The following EIF2B4 variants were observed in gnomAD, a reference collection of about 807,000 sequenced individuals.
EIF2B4 encodes the protein translation initiation factor eIF2B subunit delta.
EIF2B4 carries 34 observed loss-of-function variants against 66.7 expected under a neutral mutation model. The ratio of observed to expected loss-of-function variants is 0.51; its 90% CI spans 0.39 to 0.68. The LOEUF (loss-of-function observed/expected upper bound fraction) is 0.68, where lower values mean the gene tolerates loss of function less well. EIF2B4 is among the 30% of genes least tolerant of loss of function. The pLI, the probability that EIF2B4 is intolerant of heterozygous loss-of-function variation, is 0.00. For synonymous variants in EIF2B4, 278 were observed against 253.6 expected, an observed-to-expected ratio of 1.10 and a Z score of -0.92; for missense variants, 618 against 657.9, an observed-to-expected ratio of 0.94 and a Z score of 0.66.
At position 27,366,908 on chromosome 2, in the gene EIF2B4, C is replaced by T; in HGVS notation, c.1042G>A (p.Glu348Lys). The change falls in exon 11 of 13, where the codon GAG (glutamate) becomes AAG (lysine). Residue 348 changes from glutamate to lysine, a missense_variant. This residue lies in a region of EIF2B4 where 506 missense variants were observed against 511.9 expected (regional missense o/e 0.99). Transcript: ENST00000347454. ...AACCGCCGGCCCTCTGTCCAAGCCT[C>T]CTGAAGAATTCGTGATACCAGAGAT... ...CSSLVSRILQEAWTEGRRFRV... is the reference protein window; with the variant it reads ...CSSLVSRILQKAWTEGRRFRV... 6.2e-7 allele frequency: 1 copy of T among 1,614,156 alleles called. No homozygotes were observed.
intron 2 of EIF2B4, 47 bp from the exon 3 acceptor site, chr2:27,369,596 G>A (rs1558295416): frequency 6.2e-7 from 1 of 1,613,440 alleles, no homozygotes; most frequent in East Asian, 2.2e-5. Flanking sequence ...AATTCCAAAG[G>A]GGAACAAATA....
chr2:27,364,398 C>G lies in EIF2B4; in HGVS notation c.*2G>C. ...GCATTTATTAACCCTGTGTTTCCCC[C>G]GTCACTGGTCACTGCTCTTGACTCG... On this transcript the variant is annotated 3_prime_UTR_variant, in exon 13 of 13. Coordinates refer to ENST00000347454, the MANE Select transcript of EIF2B4 (RefSeq NM_001034116.2). 1 of 1,613,854 alleles carries G rather than the reference C, an allele frequency of 6.2e-7. No individual in the cohort carries two copies. Among genetic ancestry groups the G allele is most frequent in the Non-Finnish European group, 8.5e-7 (1 of 1,179,956 alleles).
At chr2:27,367,418 C>G (rs1234647214) in intron 9 of EIF2B4, 39 bp downstream of exon 9, 1 of 1,611,648 alleles carries the variant, frequency 6.2e-7, no homozygotes, top group South Asian at 1.1e-5. Flanking sequence ...TTAATTTTAC[C>G]CACAGGTGCA....
rs1201479082 is a variant in EIF2B4, at chr2:27,369,022, A to G, written c.402T>C (p.Ala134=). 6.2e-7 allele frequency: 1 copy of G among 1,613,500 alleles called. No individual in the cohort carries two copies. Among genetic ancestry groups the G allele is most frequent in the Non-Finnish European group, 8.5e-7 (1 of 1,179,442 alleles). ...GPPPKASPST[A]GETPSGVKRL... is the part of the protein sequence containing the mutation. ...GGAAGATACCTGAGGGGGTTTCTCCAGCTGTGCTGGGGCTGGCCTTAGGAG... is the reference window on the plus strand; with the variant it reads ...GGAAGATACCTGAGGGGGTTTCTCCGGCTGTGCTGGGGCTGGCCTTAGGAG... Residue 134 remains alanine, a synonymous_variant, in exon 4 of 13, where the codon GCT becomes GCC. Coordinates refer to ENST00000347454, the MANE Select transcript of EIF2B4 (RefSeq NM_001034116.2).
At chr2:27,369,713 C>A in intron 2 of EIF2B4, 163 bp downstream of exon 2, 1 of 1,472,494 alleles carries the variant, frequency 6.8e-7, no homozygotes. Flanking sequence ...CGTTTCTCCT[C>A]CAGGGACAGA....
In EIF2B4 at chr2:27,364,466, C is replaced by T. The variant is rs146687759; in HGVS notation, c.1506G>A (p.Thr502=). ...AACTGCAAGGGATCATCCCCAGCTC[C>T]GTGATCACCAGATCCACAAGCTCTG... ...TPPELVDLVI[T]ELGMIPCSSV... is the part of the protein sequence containing the mutation. Residue 502 remains threonine, a synonymous_variant, in exon 13 of 13, where the codon ACG becomes ACA. Coordinates refer to ENST00000347454, the MANE Select transcript of EIF2B4 (RefSeq NM_001034116.2). The T allele has an allele frequency of 3.3e-5, 54 of 1,614,124 alleles. No individual in the cohort carries two copies. The East Asian group carries it at 4.5e-4, about 13-fold the overall frequency.
chr2:27,368,902 C>T, intron 4 of EIF2B4, 104 bp downstream of exon 4: 3 of 1,507,890 alleles, frequency 2.0e-6, no homozygotes, highest in South Asian at 1.1e-5. Context: ...CAATTCAGAA[C>T]TCTGGGTCCC....
At chr2:27,366,338 T>A (rs1032797759) in intron 11 of EIF2B4, 3 of 277,310 alleles carry the variant, frequency 1.1e-5, no homozygotes, top group African/African-American at 6.6e-5. Context: ...GTGCTGAGAT[T>A]GCAGGCATTG....
At chr2:27,367,237 G>T in intron 9 of EIF2B4, 36 bp from the exon 10 acceptor site, 2 of 1,613,808 alleles carry the variant, frequency 1.2e-6, no homozygotes, top group South Asian at 1.1e-5. Context: ...ACAAGAAATG[G>T]ACACTTTTAT....
At chr2:27,366,557 G>C (rs1246989509) in intron 11 of EIF2B4, 1 of 653,896 alleles carries the variant, frequency 1.5e-6, no homozygotes, top group African/African-American at 1.8e-5. Context: ...GCACACACCA[G>C]TAGTCCCAGC....
chr2:27,368,224 C>T (rs1682009755), intron 6 of EIF2B4, 85 bp from the exon 7 acceptor site: 1 of 1,329,962 alleles, frequency 7.5e-7, no homozygotes, highest in Non-Finnish European at 1.1e-6. Context: ...GAACTCCCTT[C>T]ACTAGCAGAT....
Position 27,368,024 on chromosome 2 carries a change from C to A in EIF2B4, c.705+1G>T. ...ATAAGAGAGAACAGGATGGGACATA[C>A]CTGCTGCAAGGCACGAAGCAGGGCA... On this transcript the variant is annotated splice_donor_variant, in intron 7 of 12. Coordinates refer to ENST00000347454, the MANE Select transcript of EIF2B4 (RefSeq NM_001034116.2). LOFTEE classifies it high-confidence loss of function. 1 of 1,577,066 alleles carries A rather than the reference C, an allele frequency of 6.3e-7. No homozygotes were observed.
chr2:27,368,202 CCT>C (rs1220777749), intron 6 of EIF2B4, 63 bp from the exon 7 acceptor site: 2 of 1,420,170 alleles, frequency 1.4e-6, no homozygotes, highest in Admixed American at 2.0e-5. Flanking sequence ...CCCACCTGCC[CCT>C]GATGAAAAGG....
At position 27,368,454 on chromosome 2, in the gene EIF2B4, G is replaced by A. The variant is rs1572607363; in HGVS notation, c.508C>T (p.Arg170Ter). 1.2e-6 allele frequency: 2 copies of A among 1,613,892 alleles called. No individual in the cohort carries two copies. The highest frequency in any genetic ancestry group is 1.7e-6 in the Non-Finnish European group (2 of 1,179,804). ...KKPERQQVPT[R>*]KDYGSKVSLF... ...CTGACTTTGGATCCATAATCCTTTC[G>A]TGTAGGAACCTTGACAAAACAAGGG... The change falls in exon 6 of 13, where the codon CGA (arginine) becomes TGA (stop). Residue 170 changes from arginine (R) to a stop codon, truncating the protein, a stop_gained. Transcript: ENST00000347454. LOFTEE classifies it high-confidence loss of function.
intron 4 of EIF2B4, 92 bp downstream of exon 4, chr2:27,368,914 A>C (rs1682088669): frequency 2.6e-6 from 4 of 1,540,646 alleles, no homozygotes; most frequent in Non-Finnish European, 2.7e-6. Flanking sequence ...CTGGGTCCCA[A>C]GAATGAGAGG....
chr2:27,365,377 C>CTTTT (rs372524722), intron 11 of EIF2B4, among the ~76,000 whole-genome samples: 2 of 119,728 alleles, frequency 1.7e-5, no homozygotes, highest in Non-Finnish European at 3.4e-5. Flanking sequence ...TTAATAAATC[C>CTTTT]TTTTTTTTTT....
At chr2:27,364,963 T>C in intron 11 of EIF2B4, 65 bp from the exon 12 acceptor site, 3 of 1,518,906 alleles carry the variant, frequency 2.0e-6, no homozygotes, top group Non-Finnish European at 2.7e-6. Context: ...TAAGGTCCCC[T>C]ACTTACAGGA....
intron 9 of EIF2B4, 26 bp downstream of exon 9, chr2:27,367,431 C>T (rs1681943101): frequency 1.9e-6 from 3 of 1,612,990 alleles, no homozygotes; most frequent in Non-Finnish European, 8.5e-7. Flanking sequence ...CAGGTGCATG[C>T]CTTCCTTATT....
At position 27,368,063 on chromosome 2, in the gene EIF2B4, TG is replaced by T; in HGVS notation, c.666del (p.Asn223MetfsTer14). ...LQYSQGLVSGSNARCIALLRA... is the reference protein window; with the variant it reads ...LQYSQGLVSGXNARCIALLRA... ...CGAAGCAGGGCAATACACCGGGCAT[TG>T]GAGCCACTGACCAGGCCCTGGGAGT... On this transcript the variant is annotated frameshift_variant, in exon 7 of 13. Transcript: ENST00000347454. LOFTEE classifies it high-confidence loss of function. 6.3e-7 allele frequency: 1 copy of T among 1,597,910 alleles called. No individual in the cohort carries two copies. Among genetic ancestry groups the T allele is most frequent in the Non-Finnish European group, 8.5e-7 (1 of 1,172,048 alleles).
Sources: gnomAD v4.1 joint callset for allele counts (sites outside exome capture counted in the v4.1 genomes callset) on GRCh38, gnomAD v4.1.1 for gene constraint, gnomAD v4.1.1 regional missense constraint, MANE v1.5 for transcripts, NCBI Gene and HGNC (gene_info 2026-07-23, HGNC 2026-07-21) for gene names.